Variants in HES3 observed in about 807,000 individuals in gnomAD.
HES3 encodes the protein hes family bHLH transcription factor 3, also known as transcription factor HES-3.
In HES3, 6 loss-of-function variants were observed where a neutral mutation model predicts 8.0. That is an observed-to-expected ratio of 0.75 (90% confidence interval 0.41 to 1.49). The LOEUF (loss-of-function observed/expected upper bound fraction) is 1.49. Ranked by LOEUF, HES3 falls within the 40% of genes most tolerant of loss-of-function variation. The pLI, the probability that HES3 is intolerant of heterozygous loss-of-function variation, is 0.01. For synonymous variants in HES3, 121 were observed against 119.4 expected (o/e 1.01, Z -0.09); for missense variants, 266 against 260.9 (o/e 1.02, Z -0.13).
In HES3 at chr1:6,245,343, G is replaced by A. The variant is rs1198150213; in HGVS notation, c.397G>A (p.Gly133Ser). The A allele has an allele frequency of 3.3e-6, 5 of 1,500,190 alleles. No homozygotes were observed. The highest frequency in any genetic ancestry group is 4.4e-6 in the Non-Finnish European group (5 of 1,132,900). The allele number at this position is 1,500,190 out of a possible 1,614,324, so 92.9% of individuals were successfully genotyped here. A position where few individuals can be genotyped will look rare whatever the true frequency, so the allele number is the denominator to read the frequency against. Reference sequence around the variant, plus strand: ...CTGGGCTCCTGCTCCGGCCGCCGGCGGCCCGCGGTCCCCACCACCCCTGCT... The same window carrying A: ...CTGGGCTCCTGCTCCGGCCGCCGGCAGCCCGCGGTCCCCACCACCCCTGCT... The part of the protein sequence containing the change: ...AVWAPAPAAG[G>S]PRSPPPLLLL... The change falls in exon 4 of 4, where the codon GGC becomes AGC. Residue 133 changes from glycine to serine, a missense_variant. Transcript: ENST00000377898.
Position 6,244,331 on chromosome 1 carries a change from T to C in HES3, c.-15-20T>C. 2 of 1,607,558 alleles carry C rather than the reference T, an allele frequency of 1.2e-6. No individual in the cohort carries two copies. The highest frequency in any genetic ancestry group is 1.7e-6 in the Non-Finnish European group (2 of 1,175,058). On this transcript the variant is annotated intron_variant, in intron 1 of 3. Transcript: ENST00000377898. ...GCAGGAGGGTGGCAGTCCTGCACTC[T>C]AAAGGCTGTTCATCTGCAGATTTCC...
At chr1:6,244,754 C>A in intron 3 of HES3, 125 bp downstream of exon 3, 1 of 841,532 alleles carries the variant, frequency 1.2e-6, no homozygotes, top group Non-Finnish European at 1.9e-6. Context: ...CCAGCCTGGG[C>A]AACATGGCAA....
rs1415956017 is a variant in HES3, at chr1:6,245,219, C to G, written c.273C>G (p.Arg91=). Residue 91 remains arginine (R), a synonymous_variant, in exon 4 of 4, where the codon CGC becomes CGG. Coordinates refer to ENST00000377898, the MANE Select transcript of HES3 (RefSeq NM_001024598.4). The part of the protein sequence containing the change: ...RRGDEVGSGL[R]CPLVPESAAG... The stretch of plus-strand genomic sequence containing the variant: ...GAGATGAGGTCGGCAGCGGCCTGCG[C>G]TGCCCCCTGGTGCCCGAGAGCGCCG... 4 of 1,525,526 alleles carry G rather than the reference C, an allele frequency of 2.6e-6. No individual in the cohort carries two copies. The East Asian group carries it at 7.5e-5, about 29-fold the overall frequency. The allele number at this position is 1,525,526 out of a possible 1,614,324, so 94.5% of individuals were successfully genotyped here.
chr1:6,244,665 T>C (rs1319485620), intron 3 of HES3, 36 bp downstream of exon 3: 1 of 1,572,180 alleles, frequency 6.4e-7, no homozygotes, highest in East Asian at 2.2e-5. Flanking sequence ...GGGGGAGGCT[T>C]GTGGGATCAG....
chr1:6,244,655 G>C, intron 3 of HES3, 26 bp downstream of exon 3: 1 of 1,594,526 alleles, frequency 6.3e-7, no homozygotes, highest in South Asian at 1.1e-5. Context: ...GGAGGGAGGA[G>C]GGGGAGGCTT....
rs760931959 is a variant in HES3, at chr1:6,244,567, A to C, written c.101A>C (p.Glu34Ala). The change falls in exon 3 of 4, where the codon GAG becomes GCG. Residue 34 changes from glutamate (E) to alanine (A), a missense_variant. By Grantham distance (107) the Glu-to-Ala change is moderately radical. Coordinates refer to ENST00000377898, the MANE Select transcript of HES3 (RefSeq NM_001024598.4). ...YSHQIRKRKL[E>A]KADILELSVK... ...GGGTAGATCCGGAAGCGCAAATTGG[A>C]GAAGGCCGACATCCTGGAGTTGAGC... 1.2e-6 allele frequency: 2 copies of C among 1,613,396 alleles called. No homozygotes were observed. The highest frequency in any genetic ancestry group is 2.2e-5 in the South Asian group (2 of 91,030).
Position 6,244,592 on chromosome 1 carries a change from C to T in HES3, c.126C>T (p.Ser42=), listed in dbSNP as rs746890308. The T allele has an allele frequency of 2.5e-6, 4 of 1,613,842 alleles. No individual in the cohort carries two copies. The highest frequency in any genetic ancestry group is 3.4e-6 in the Non-Finnish European group (4 of 1,179,962). The part of the protein sequence containing the change: ...KLEKADILEL[S]VKYMRSLQNS... ...AGAAGGCCGACATCCTGGAGTTGAGCGTGAAGTACATGAGAAGCCTTCAGA... is the reference window on the plus strand; with the variant it reads ...AGAAGGCCGACATCCTGGAGTTGAGTGTGAAGTACATGAGAAGCCTTCAGA... The change falls in exon 3 of 4, where the codon AGC becomes AGT. Residue 42 remains serine (S), a synonymous_variant. Transcript: ENST00000377898.
rs1237543345 is a variant in HES3 at position 6,245,292 on chromosome 1, C to T, written c.346C>T (p.Leu116=). The T allele has an allele frequency of 4.0e-6, 6 of 1,496,718 alleles. No homozygotes were observed. The highest frequency in any genetic ancestry group is 4.4e-6 in the Non-Finnish European group (5 of 1,132,054). 92.7% of individuals were successfully genotyped at this position (1,496,718 alleles called of 1,614,324 possible). The change falls in exon 4 of 4, where the codon CTG becomes TTG. Residue 116 remains leucine, a synonymous_variant. Coordinates refer to ENST00000377898, the MANE Select transcript of HES3 (RefSeq NM_001024598.4). ...SAGLGQEAPA[L]FRPCTPAVWA... ...CGGGTTGGGCCAGGAGGCGCCCGCG[C>T]TGTTCCGCCCTTGCACCCCTGCCGT... is the stretch of plus-strand genomic sequence containing the variant.
intron 3 of HES3, among the ~76,000 whole-genome samples, 199 bp downstream of exon 3, chr1:6,244,828 C>G (rs558021518): frequency 6.6e-6 from 1 of 152,102 alleles, no homozygotes; most frequent in Non-Finnish European, 1.5e-5. Context: ...GGCCCCAGCT[C>G]GCTAGGGGGC....
rs779505533 is a variant in HES3, at chr1:6,244,618, ACTC to A, written c.155_157del (p.Ser52del). ...GTGAAGTACATGAGAAGCCTTCAGA[ACTC>A]CTTGCAAGGTATAGGGGAGGGCTGG... On this transcript the variant is annotated inframe_deletion, in exon 3 of 4. Coordinates refer to ENST00000377898, the MANE Select transcript of HES3 (RefSeq NM_001024598.4). 6 of 1,613,274 alleles carry A rather than the reference ACTC, an allele frequency of 3.7e-6. No individual in the cohort carries two copies. In the South Asian group the frequency reaches 6.6e-5, roughly 18 times the overall value.
chr1:6,244,731 C>CAGGCTGGTCTCAAAAGCCCG, intron 3 of HES3, 102 bp downstream of exon 3: 1 of 1,086,466 alleles, frequency 9.2e-7, no homozygotes, highest in Non-Finnish European at 1.4e-6. Context: ...CGCTTGACCC[C>CAGGCTGGTCTCAAAAGCCCG]GGGCTTTTGA....
chr1:6,245,528 C>T lies in HES3; in HGVS notation c.*21C>T. Reference sequence around the variant, plus strand: ...ACTGAAGGCGCTCCCTATTTGGTCTCGCGACACAGGGACTATTTTCAGCAC... The same window carrying T: ...ACTGAAGGCGCTCCCTATTTGGTCTTGCGACACAGGGACTATTTTCAGCAC... On this transcript the variant is annotated 3_prime_UTR_variant, in exon 4 of 4. Transcript: ENST00000377898. 1 of 1,465,182 alleles carries T rather than the reference C, an allele frequency of 6.8e-7. No homozygotes were observed. The highest frequency in any genetic ancestry group is 1.4e-5 in the South Asian group (1 of 70,380). The allele number at this position is 1,465,182 out of a possible 1,614,324, so 90.8% of individuals were successfully genotyped here.
Position 6,244,450 on chromosome 1 carries a change from A to G in HES3, c.81+4A>G. ...GGAGAAACACTACTCGCACCAGGTGAGACTCAGGCGGGGTGGGGGTGGGTG... is the reference window on the plus strand; with the variant it reads ...GGAGAAACACTACTCGCACCAGGTGGGACTCAGGCGGGGTGGGGGTGGGTG... On this transcript the variant is annotated splice_donor_region_variant and intron_variant, in intron 2 of 3. Transcript: ENST00000377898. 1.3e-6 allele frequency: 1 copy of G among 746,800 alleles called. No homozygotes were observed. The highest frequency in any genetic ancestry group is 2.2e-6 in the Non-Finnish European group (1 of 462,220). The allele number at this position is 746,800 out of a possible 1,614,324, so 46.3% of individuals were successfully genotyped here.
rs1638259686 is a variant in HES3 at position 6,244,464 on chromosome 1, T to TG, written c.81+23dup. ...CGCACCAGGTGAGACTCAGGCGGGG[T>TG]GGGGGTGGGTGGGTGATACGATCCC... On this transcript the variant is annotated intron_variant, in intron 2 of 3. Transcript: ENST00000377898. The TG allele has an allele frequency of 3.1e-5, 9 of 287,224 alleles. No homozygotes were observed. The highest frequency in any genetic ancestry group is 5.5e-5 in the Non-Finnish European group (8 of 146,542). The allele number at this position is 287,224 out of a possible 1,614,324, so 17.8% of individuals were successfully genotyped here.
rs773300229 is a variant in HES3, at chr1:6,244,648, G to A, written c.163+19G>A. On this transcript the variant is annotated intron_variant, in intron 3 of 3. Transcript: ENST00000377898. The stretch of plus-strand genomic sequence containing the variant: ...TTGCAAGGTATAGGGGAGGGCTGGA[G>A]GGAGGAGGGGGAGGCTTGTGGGATC... 4 of 1,596,810 alleles carry A rather than the reference G, an allele frequency of 2.5e-6. No individual in the cohort carries two copies. The East Asian group carries it at 6.7e-5, about 27-fold the overall frequency.
Position 6,245,224 on chromosome 1 carries a change from C to T in HES3, c.278C>T (p.Pro93Leu). ...GAGGTCGGCAGCGGCCTGCGCTGCC[C>T]CCTGGTGCCCGAGAGCGCCGCCGGC... ...GDEVGSGLRC[P>L]LVPESAAGST... The change falls in exon 4 of 4, where the codon CCC becomes CTC. Residue 93 changes from proline to leucine, a missense_variant. By Grantham distance (98) the Pro-to-Leu change is moderately conservative (BLOSUM62 -3). Coordinates refer to ENST00000377898, the MANE Select transcript of HES3 (RefSeq NM_001024598.4). 2 of 1,523,058 alleles carry T rather than the reference C, an allele frequency of 1.3e-6. No individual in the cohort carries two copies. Among genetic ancestry groups the T allele is most frequent in the South Asian group, 2.4e-5 (2 of 83,202 alleles). The allele number at this position is 1,523,058 out of a possible 1,614,324, so 94.3% of individuals were successfully genotyped here. A position where few individuals can be genotyped will look rare whatever the true frequency, so the allele number is the denominator to read the frequency against.
chr1:6,244,356 C>T lies in HES3; in HGVS notation c.-10C>T. The T allele has an allele frequency of 1.9e-6, 3 of 1,612,754 alleles. No individual in the cohort carries two copies. Among genetic ancestry groups the T allele is most frequent in the Non-Finnish European group, 2.5e-6 (3 of 1,179,772 alleles). On this transcript the variant is annotated 5_prime_UTR_variant, in exon 2 of 4. Coordinates refer to ENST00000377898, the MANE Select transcript of HES3 (RefSeq NM_001024598.4). ...TAAAGGCTGTTCATCTGCAGATTTC[C>T]AAGCCGCTGATGGAGAAAAAGCGCC...
At position 6,244,535 on chromosome 1, in the gene HES3, C is replaced by G; in HGVS notation, c.82-13C>G. 6.2e-7 allele frequency: 1 copy of G among 1,614,052 alleles called. No individual in the cohort carries two copies. Among genetic ancestry groups the G allele is most frequent in the Non-Finnish European group, 8.5e-7 (1 of 1,179,964 alleles). ...GGGAGGCCGGTCTAATAGACCTTTC[C>G]ATGGTCGGGTAGATCCGGAAGCGCA... On this transcript the variant is annotated splice_polypyrimidine_tract_variant and intron_variant, in intron 2 of 3. Coordinates refer to ENST00000377898, the MANE Select transcript of HES3 (RefSeq NM_001024598.4).
At position 6,244,577 on chromosome 1, in the gene HES3, C is replaced by T. The variant is rs772806399; in HGVS notation, c.111C>T (p.Asp37=). 3 of 1,614,020 alleles carry T rather than the reference C, an allele frequency of 1.9e-6. No homozygotes were observed. The highest frequency in any genetic ancestry group is 2.5e-6 in the Non-Finnish European group (3 of 1,179,992). The change falls in exon 3 of 4, where the codon GAC becomes GAT. Residue 37 remains aspartate (D), a synonymous_variant. Coordinates refer to ENST00000377898, the MANE Select transcript of HES3 (RefSeq NM_001024598.4). ...GGAAGCGCAAATTGGAGAAGGCCGA[C>T]ATCCTGGAGTTGAGCGTGAAGTACA... is the stretch of plus-strand genomic sequence containing the variant. The part of the protein sequence containing the change: ...QIRKRKLEKA[D]ILELSVKYMR...
Sources: allele counts gnomAD v4.1 joint callset (sites outside exome capture counted in the v4.1 genomes callset), GRCh38; gene constraint gnomAD v4.1.1; transcripts MANE v1.5; gene names NCBI Gene and HGNC (gene_info 2026-07-23, HGNC 2026-07-21).